The following PVT1 variants were observed in gnomAD, a reference collection of about 807,000 sequenced individuals.
The protein encoded by PVT1 is Pvt1 oncogene, also known as CXCR4/PVT1 fusion.
At chr8:127,822,555 C>T (rs904016054) in intron 2 of PVT1, among the ~76,000 whole-genome samples, 6 of 151,904 alleles carry the variant, frequency 3.9e-5, no homozygotes, top group South Asian at 2.1e-4. Flanking sequence ...CCAGCCTGGG[C>T]GACAGAGCAG....
At chr8:128,088,965 G>T (rs746266438) in intron 5 of PVT1, among the ~76,000 whole-genome samples, 1 of 152,208 alleles carries the variant, frequency 6.6e-6, no homozygotes, top group African/African-American at 2.4e-5. Context: ...CCAGGAGGCA[G>T]GTGCTGTGCC....
chr8:127,861,277 A>G (rs905522923), intron 2 of PVT1, among the ~76,000 whole-genome samples: 3 of 152,146 alleles, frequency 2.0e-5, no homozygotes, highest in Admixed American at 1.3e-4. Context: ...GATGGGAGCC[A>G]CTTCTCAAAC....
At chr8:127,822,959 C>G (rs530216768) in intron 2 of PVT1, among the ~76,000 whole-genome samples, 26 of 152,272 alleles carry the variant, frequency 1.7e-4, no homozygotes, top group African/African-American at 6.3e-4. Flanking sequence ...ATTTCATGAT[C>G]AGATCATTCT....
intron 2 of PVT1, among the ~76,000 whole-genome samples, chr8:127,807,052 G>A (rs551485626): frequency 3.2e-4 from 49 of 152,342 alleles, no homozygotes; most frequent in African/African-American, 1.2e-3. Context: ...GTGTTCAGCA[G>A]CTCCGCTAGT....
chr8:127,821,729 G>A (rs1230190807), intron 2 of PVT1, among the ~76,000 whole-genome samples: 2 of 151,914 alleles, frequency 1.3e-5, no homozygotes, highest in Admixed American at 6.6e-5. Flanking sequence ...GGAGAATGGC[G>A]TGAATCCGGG....
chr8:127,881,281 T>C (rs1172212528), intron 2 of PVT1, among the ~76,000 whole-genome samples: 2 of 152,084 alleles, frequency 1.3e-5, no homozygotes, highest in Non-Finnish European at 2.9e-5. Context: ...CTGCTTGTGT[T>C]GTGAGCCCAC....
chr8:127,980,346 A>G (rs963677648), intron 3 of PVT1, among the ~76,000 whole-genome samples: 3 of 152,034 alleles, frequency 2.0e-5, no homozygotes, highest in Non-Finnish European at 2.9e-5. Flanking sequence ...CACGATTACT[A>G]CCCTTACGGA....
intron 4 of PVT1, chr8:128,049,111 A>G: frequency 1.9e-6 from 1 of 520,094 alleles, no homozygotes; most frequent in South Asian, 1.4e-5. Context: ...GGAATCAGAG[A>G]TAGGAGCCCT....
intron 2 of PVT1, among the ~76,000 whole-genome samples, chr8:127,824,861 T>C (rs1814769381): frequency 1.3e-5 from 2 of 152,182 alleles, no homozygotes; most frequent in South Asian, 4.1e-4. Context: ...GGCTCCTGCC[T>C]GTAATCCCAG....
intron 5 of PVT1, among the ~76,000 whole-genome samples, chr8:128,088,656 C>CG (rs1422441856): frequency 2.6e-4 from 40 of 152,160 alleles, no homozygotes; most frequent in African/African-American, 9.7e-4. Flanking sequence ...TGTCCTGTGA[C>CG]GAATGTTGCA....
At chr8:128,101,011 C>A (rs1198744949) in intron 6 of PVT1, 1 of 152,222 alleles carries the variant, frequency 6.6e-6, no homozygotes, top group Middle Eastern at 3.2e-3. Context: ...CATGACTCCA[C>A]CTGGACCTTA....
intron 3 of PVT1, among the ~76,000 whole-genome samples, chr8:127,942,112 A>C (rs537019674): frequency 6.6e-6 from 1 of 152,140 alleles, no homozygotes; most frequent in Non-Finnish European, 1.5e-5. Context: ...AACTCCCTGC[A>C]TGTGGCTCTT....
At chr8:128,021,626 T>C (rs2720688) in intron 4 of PVT1, among the ~76,000 whole-genome samples, 124,609 of 152,084 alleles carry the variant, frequency 0.82, 51,151 homozygotes, top group East Asian at 0.89. Context: ...GTATAATCAG[T>C]CCCCACAAAC....
intron 4 of PVT1, among the ~76,000 whole-genome samples, chr8:128,037,994 T>C (rs1359197659): frequency 6.6e-6 from 1 of 152,230 alleles, no homozygotes; most frequent in East Asian, 1.9e-4. Flanking sequence ...TACTTTCTTA[T>C]CTAAAAATAT....
At chr8:127,908,931 G>A (rs528426453) in intron 3 of PVT1, among the ~76,000 whole-genome samples, 3 of 152,334 alleles carry the variant, frequency 2.0e-5, no homozygotes, top group African/African-American at 4.8e-5. Context: ...TTTGAACCCA[G>A]CTGCCGGGTC....
intron 3 of PVT1, among the ~76,000 whole-genome samples, chr8:127,931,697 G>A (rs569754289): frequency 4.2e-4 from 64 of 152,348 alleles, no homozygotes; most frequent in African/African-American, 1.3e-3. Context: ...GCCACCCAAC[G>A]GATGGGAGCC....
chr8:127,923,923 A>T (rs1816094743), intron 3 of PVT1, among the ~76,000 whole-genome samples: 1 of 152,214 alleles, frequency 6.6e-6, no homozygotes, highest in Non-Finnish European at 1.5e-5. Context: ...ATTGAACATT[A>T]AACAAACAGT....
At chr8:127,817,197 G>T (rs1814671250) in intron 2 of PVT1, among the ~76,000 whole-genome samples, 2 of 151,884 alleles carry the variant, frequency 1.3e-5, no homozygotes, top group South Asian at 4.2e-4. Flanking sequence ...CATCTCAAAA[G>T]AAATGCTCTT....
intron 3 of PVT1, among the ~76,000 whole-genome samples, chr8:127,946,031 G>A (rs1165211691): frequency 6.6e-6 from 1 of 152,224 alleles, no homozygotes; most frequent in Non-Finnish European, 1.5e-5. Context: ...GTACGAAGGG[G>A]TTTAGAGACA....
Sources: gnomAD v4.1 joint callset for allele counts (sites outside exome capture counted in the v4.1 genomes callset) on GRCh38, gnomAD v4.1.1 for gene constraint, MANE v1.5 for transcripts, NCBI Gene and HGNC (gene_info 2026-07-23, HGNC 2026-07-21) for gene names.